SHISA6: variants seen among roughly 807,000 people sequenced by gnomAD.
SHISA6 encodes the protein shisa family member 6.
A neutral mutation model predicts 47.9 loss-of-function variants in SHISA6; 22 were observed. The observed-to-expected ratio is 0.46, with a 90% confidence interval of 0.33 to 0.66. The LOEUF (loss-of-function observed/expected upper bound fraction) is 0.66. Among genes scored for constraint, SHISA6 ranks in the 30% least tolerant of loss-of-function variants. The pLI, the probability that SHISA6 is intolerant of heterozygous loss-of-function variation, is 0.02. For synonymous variants in SHISA6, 388 were observed against 337.8 expected (o/e 1.15, Z -1.63); for missense variants, 680 against 764.6 (o/e 0.89, Z 1.30).
At chr17:11,457,754 A>T (rs529581173) in intron 3 of SHISA6, among the ~76,000 whole-genome samples, 1 of 147,122 alleles carries the variant, frequency 6.8e-6, no homozygotes, top group Non-Finnish European at 1.5e-5. Context: ...AAAAAAAAAA[A>T]AAGACAGATG....
intron 2 of SHISA6, among the ~76,000 whole-genome samples, chr17:11,313,043 A>C (rs1910389457): frequency 6.6e-6 from 1 of 152,078 alleles, no homozygotes; most frequent in Non-Finnish European, 1.5e-5. Context: ...CAAGCTACCA[A>C]CTCCTCTAAA....
intron 4 of SHISA6, among the ~76,000 whole-genome samples, chr17:11,554,987 C>A (rs1345201628): frequency 6.6e-6 from 1 of 152,136 alleles, no homozygotes; most frequent in African/African-American, 2.4e-5. Flanking sequence ...AACAACACTC[C>A]TTTCCATCTC....
In SHISA6 at chr17:11,389,126, G is replaced by C. The variant is rs906747124; in HGVS notation, c.895+9617G>C. On this transcript the variant is annotated intron_variant, in intron 3 of 5. Transcript: ENST00000441885. ...GCACTCAAGCATGGGACAAGTTCCT[G>C]AGCCACCCACGGAGTCCACCTCTAA... Among the ~76,000 whole-genome samples the C allele has an allele frequency of 3.0e-4, 46 of 152,136 alleles. 1 individual carries two copies. The highest frequency in any genetic ancestry group is 1.0e-3 in the African/African-American group (42 of 41,526).
intron 3 of SHISA6, among the ~76,000 whole-genome samples, chr17:11,493,344 A>G (rs1359679719): frequency 6.6e-6 from 1 of 152,046 alleles, no homozygotes; most frequent in East Asian, 1.9e-4. Flanking sequence ...CTCCTGCCTC[A>G]GTCTCTGGAG....
chr17:11,562,640 G>A lies in SHISA6; in HGVS notation c.*4336G>A, dbSNP rs994378894. On this transcript the variant is annotated 3_prime_UTR_variant, in exon 6 of 6. Coordinates refer to ENST00000441885, the MANE Select transcript of SHISA6 (RefSeq NM_207386.4). ...AGCTTCCAGCCCTGGCTTTGTCTCC[G>A]AGGGGGAGTCATGTTCCCCACTCAG... The A allele has an allele frequency of 2.0e-5, 3 of 152,156 alleles. No homozygotes were observed. Among genetic ancestry groups the A allele is most frequent in the African/African-American group, 7.2e-5 (3 of 41,448 alleles). 9.4% of individuals were successfully genotyped at this position (152,156 alleles called of 1,614,324 possible). A position where few individuals can be genotyped will look rare whatever the true frequency, so the allele number is the denominator to read the frequency against.
At chr17:11,447,218 T>C (rs1263303313) in intron 3 of SHISA6, among the ~76,000 whole-genome samples, 2 of 152,188 alleles carry the variant, frequency 1.3e-5, no homozygotes, top group African/African-American at 4.8e-5. Context: ...CAGAGTAACC[T>C]GCAGTCTTCA....
chr17:11,444,201 C>T (rs1005782483), intron 3 of SHISA6, among the ~76,000 whole-genome samples: 2 of 152,134 alleles, frequency 1.3e-5, no homozygotes, highest in Admixed American at 1.3e-4. Context: ...CGCCTGTAGT[C>T]CCCACTACTC....
At chr17:11,263,592 T>C in intron 2 of SHISA6, 66 bp downstream of exon 2, 1 of 1,528,164 alleles carries the variant, frequency 6.5e-7, no homozygotes. Context: ...ATGTTTCTGC[T>C]CTGGTGGGGC....
chr17:11,464,430 C>A (rs532996697), intron 3 of SHISA6, among the ~76,000 whole-genome samples: 1 of 152,270 alleles, frequency 6.6e-6, no homozygotes, highest in East Asian at 1.9e-4. Context: ...CCTGAGTGAT[C>A]CTCCAGTCTT....
intron 3 of SHISA6, among the ~76,000 whole-genome samples, chr17:11,443,639 T>C (rs2142299411): frequency 1.3e-5 from 2 of 152,262 alleles, no homozygotes; most frequent in South Asian, 4.2e-4. Context: ...GGTGCTATCA[T>C]TGTGAGGATT....
chr17:11,325,993 G>C (rs550787058), intron 2 of SHISA6, among the ~76,000 whole-genome samples: 1 of 152,168 alleles, frequency 6.6e-6, no homozygotes, highest in Non-Finnish European at 1.5e-5. Context: ...CCTAAAGGCC[G>C]GGCACAGTGG....
At chr17:11,357,581 T>C (rs1196428418) in intron 2 of SHISA6, among the ~76,000 whole-genome samples, 4 of 152,232 alleles carry the variant, frequency 2.6e-5, no homozygotes, top group African/African-American at 7.2e-5. Context: ...TTTTGTTCAC[T>C]TAACGTTATT....
rs1913664701 is a variant in SHISA6 at position 11,398,791 on chromosome 17, C to G, written c.895+19282C>G. ...TATTTTTAGTAGATATGGGGTTTCACCATGTTGGCCAGGATGGTCTCGATC... is the reference window on the plus strand; with the variant it reads ...TATTTTTAGTAGATATGGGGTTTCAGCATGTTGGCCAGGATGGTCTCGATC... On this transcript the variant is annotated intron_variant, in intron 3 of 5. Transcript: ENST00000441885. Among the ~76,000 whole-genome samples, 4 of 152,034 alleles carry G rather than the reference C, an allele frequency of 2.6e-5. No homozygotes were observed. In the South Asian group the frequency reaches 8.3e-4, roughly 32 times the overall value.
chr17:11,248,465 G>A (rs984121863), intron 1 of SHISA6, among the ~76,000 whole-genome samples: 11 of 152,188 alleles, frequency 7.2e-5, no homozygotes, highest in African/African-American at 2.7e-4. Flanking sequence ...CTAGCGCTCA[G>A]ACTCATCTCA....
chr17:11,512,542 T>A (rs1038842100), intron 3 of SHISA6, among the ~76,000 whole-genome samples: 11 of 152,228 alleles, frequency 7.2e-5, no homozygotes, highest in Non-Finnish European at 1.5e-4. Context: ...AATTGAATTT[T>A]TTTTAAACTG....
intron 1 of SHISA6, among the ~76,000 whole-genome samples, chr17:11,260,023 G>T (rs1908166792): frequency 6.6e-6 from 1 of 152,168 alleles, no homozygotes; most frequent in Non-Finnish European, 1.5e-5. Context: ...ATGAGACAGG[G>T]CAGGTGAATG....
At chr17:11,439,587 C>T (rs1259092529) in intron 3 of SHISA6, among the ~76,000 whole-genome samples, 2 of 152,066 alleles carry the variant, frequency 1.3e-5, no homozygotes, top group Non-Finnish European at 2.9e-5. Flanking sequence ...CAACTGACAC[C>T]GTTACTCAAG....
intron 3 of SHISA6, among the ~76,000 whole-genome samples, chr17:11,470,770 G>A (rs1915917512): frequency 1.3e-5 from 2 of 152,126 alleles, no homozygotes; most frequent in African/African-American, 4.8e-5. Context: ...TGACAAATGT[G>A]TGCAGCATCA....
chr17:11,432,697 A>C (rs1054184278), intron 3 of SHISA6, among the ~76,000 whole-genome samples: 29 of 152,306 alleles, frequency 1.9e-4, no homozygotes, highest in African/African-American at 5.8e-4. Flanking sequence ...ATACAATAAC[A>C]TATGTCTACC....
Sources: allele counts gnomAD v4.1 joint callset (sites outside exome capture counted in the v4.1 genomes callset), GRCh38; gene constraint gnomAD v4.1.1; transcripts MANE v1.5; gene names NCBI Gene and HGNC (gene_info 2026-07-23, HGNC 2026-07-21).